Variants in CCDC178 observed in about 807,000 individuals in gnomAD.
CCDC178 encodes the protein coiled-coil domain-containing protein 178.
A neutral mutation model predicts 117.4 loss-of-function variants in CCDC178; 126 were observed. The observed-to-expected ratio is 1.07, with a 90% confidence interval of 0.93 to 1.24. CCDC178 has a LOEUF of 1.24. Among genes scored for constraint, CCDC178 ranks in the 50% most tolerant of loss-of-function variants. The pLI, the probability that CCDC178 is intolerant of heterozygous loss-of-function variation, is 0.00. For synonymous variants in CCDC178, 283 were observed against 313.4 expected (o/e 0.90, Z 1.02); for missense variants, 1,030 against 986.9 (o/e 1.04, Z -0.59).
intron 22 of CCDC178, among the ~76,000 whole-genome samples, chr18:32,961,442 C>T (rs1007998180): frequency 6.6e-6 from 1 of 152,072 alleles, no homozygotes; most frequent in East Asian, 1.9e-4. Flanking sequence ...ATGGTATACT[C>T]TTCCATCTTT....
At chr18:33,069,255 C>T (rs2057069943) in intron 21 of CCDC178, among the ~76,000 whole-genome samples, 1 of 152,050 alleles carries the variant, frequency 6.6e-6, no homozygotes, top group South Asian at 2.1e-4. Flanking sequence ...AAGCTGGATG[C>T]ATCACACTAC....
intron 15 of CCDC178, among the ~76,000 whole-genome samples, chr18:33,240,388 A>G (rs2059473850): frequency 1.3e-5 from 2 of 151,774 alleles, no homozygotes; most frequent in Admixed American, 1.3e-4. Context: ...GCAGAAATAA[A>G]TGAAACTGAG....
chr18:32,977,352 G>T (rs1568193228), intron 21 of CCDC178, among the ~76,000 whole-genome samples: 1 of 152,064 alleles, frequency 6.6e-6, no homozygotes. Context: ...ACACCCAAGG[G>T]TTCCGTAGAC....
At chr18:33,031,993 T>G (rs2056353520) in intron 21 of CCDC178, among the ~76,000 whole-genome samples, 1 of 152,052 alleles carries the variant, frequency 6.6e-6, no homozygotes, top group Non-Finnish European at 1.5e-5. Context: ...AAGCCAATCA[T>G]AAAAGATAAC....
In CCDC178 at chr18:33,370,166, T is replaced by G. The variant is rs2063277733; in HGVS notation, c.232A>C (p.Ser78Arg). 3.7e-6 allele frequency: 6 copies of G among 1,603,500 alleles called. No individual in the cohort carries two copies. The highest frequency in any genetic ancestry group is 3.5e-5 in the Admixed American group (2 of 57,942). Residue 78 changes from serine to arginine, a missense_variant, in exon 6 of 23, where the codon AGC becomes CGC. By Grantham distance (110) the Ser-to-Arg change is moderately radical (BLOSUM62 -1). Transcript: ENST00000383096. ...CAGCTGTGACGTCGACATGGGTAGC[T>G]AAAGTAAATGCCTTTATTCACCCCT... ...TEGVNKGIYF[S>R]YPCRRHSCAV...
intron 21 of CCDC178, among the ~76,000 whole-genome samples, chr18:33,059,534 A>G (rs1484188972): frequency 6.6e-6 from 1 of 152,160 alleles, no homozygotes; most frequent in African/African-American, 2.4e-5. Context: ...TCAAATGTAG[A>G]AAAAGGTCAT....
intron 14 of CCDC178, among the ~76,000 whole-genome samples, chr18:33,263,409 G>A (rs72951044): frequency 0.067 from 10,255 of 152,128 alleles, 516 homozygotes; most frequent in African/African-American, 0.14. Flanking sequence ...ACAGCAATTT[G>A]TACATAAATC....
At chr18:33,280,038 A>G (rs1315512438) in intron 12 of CCDC178, among the ~76,000 whole-genome samples, 3 of 150,884 alleles carry the variant, frequency 2.0e-5, no homozygotes, top group Non-Finnish European at 3.0e-5. Context: ...GGACATAGGC[A>G]TGGGCAAGGA....
chr18:33,191,275 A>G (rs2058854853), intron 20 of CCDC178, among the ~76,000 whole-genome samples: 1 of 152,136 alleles, frequency 6.6e-6, no homozygotes, highest in Non-Finnish European at 1.5e-5. Flanking sequence ...ATACATAGTG[A>G]GTTCACTGGA....
intron 20 of CCDC178, among the ~76,000 whole-genome samples, chr18:33,199,984 G>C (rs567089594): frequency 2.0e-4 from 30 of 152,084 alleles, no homozygotes; most frequent in African/African-American, 7.2e-4. Flanking sequence ...ATATATATTT[G>C]GACAATTCCT....
At chr18:33,397,340 G>C in intron 3 of CCDC178, 132 bp from the exon 4 acceptor site, 1 of 514,850 alleles carries the variant, frequency 1.9e-6, no homozygotes, top group East Asian at 3.2e-5. Context: ...AATTACATAA[G>C]AAAGGGCTGA....
chr18:33,007,429 A>T (rs938861011), intron 21 of CCDC178, among the ~76,000 whole-genome samples: 18 of 152,132 alleles, frequency 1.2e-4, no homozygotes, highest in African/African-American at 4.3e-4. Flanking sequence ...AAGAGGCAAC[A>T]TCTTGTTTTC....
intron 20 of CCDC178, among the ~76,000 whole-genome samples, chr18:33,191,350 T>C (rs1363793262): frequency 6.6e-6 from 1 of 152,166 alleles, no homozygotes; most frequent in African/African-American, 2.4e-5. Context: ...AATGTTTGTT[T>C]TAGAAAATTT....
At chr18:32,942,498 A>T (rs116369202) in intron 22 of CCDC178, among the ~76,000 whole-genome samples, 5 of 152,094 alleles carry the variant, frequency 3.3e-5, no homozygotes, top group African/African-American at 4.8e-5. Flanking sequence ...TTTTTTCCCC[A>T]TAAGTCAGAG....
At chr18:33,368,911 A>G (rs1339866878) in intron 6 of CCDC178, among the ~76,000 whole-genome samples, 1 of 151,980 alleles carries the variant, frequency 6.6e-6, no homozygotes, top group Non-Finnish European at 1.5e-5. Flanking sequence ...AATAAGTGGT[A>G]GTTGTTATAA....
chr18:33,135,909 A>C (rs1290259731), intron 20 of CCDC178: 1 of 152,182 alleles, frequency 6.6e-6, no homozygotes, highest in Admixed American at 6.5e-5. Flanking sequence ...CCTGTGATCC[A>C]ATGTAACTGA....
intron 1 of CCDC178, 126 bp from the exon 2 acceptor site, chr18:33,440,207 T>C (rs1300708360): frequency 2.0e-5 from 3 of 151,182 alleles, no homozygotes; most frequent in African/African-American, 7.3e-5. Context: ...AATAAGACGC[T>C]AGAGACGCAG....
At chr18:33,026,519 T>G in intron 21 of CCDC178, among the ~76,000 whole-genome samples, 1 of 151,956 alleles carries the variant, frequency 6.6e-6, no homozygotes, top group East Asian at 1.9e-4. Flanking sequence ...TTTCATGAGG[T>G]TTTTAGAATA....
chr18:33,050,552 AAAAC>A (rs1373196675), intron 21 of CCDC178, among the ~76,000 whole-genome samples: 1 of 152,192 alleles, frequency 6.6e-6, no homozygotes, highest in Non-Finnish European at 1.5e-5. Context: ...GCAAGCAACA[AAAAC>A]AAACAAACAA....
Sources: gnomAD v4.1 joint callset for allele counts (sites outside exome capture counted in the v4.1 genomes callset) on GRCh38, gnomAD v4.1.1 for gene constraint, MANE v1.5 for transcripts, NCBI Gene and HGNC (gene_info 2026-07-23, HGNC 2026-07-21) for gene names.